LRP1B: variants seen among roughly 807,000 people sequenced by gnomAD.
The protein encoded by LRP1B is low-density lipoprotein receptor-related protein 1B.
In LRP1B, 217 loss-of-function variants were observed where a neutral mutation model predicts 556.6. The observed-to-expected ratio is 0.39, with a 90% CI of 0.35 to 0.44. The LOEUF is 0.44. Among genes scored for constraint, LRP1B ranks in the 20% least tolerant of loss-of-function variants. The pLI is 1.00. For missense variants in LRP1B, 5,053 were observed against 5,620.8 expected (o/e 0.90, Z 3.23); for synonymous variants, 2,047 against 1,865.8 (o/e 1.10, Z -2.50).
At chr2:140,968,198 C>A (rs1471792858) in intron 18 of LRP1B, among the ~76,000 whole-genome samples, 2 of 151,770 alleles carry the variant, frequency 1.3e-5, no homozygotes, top group Admixed American at 1.3e-4. Flanking sequence ...ATTATTGCCT[C>A]AATTTCAGAG....
intron 1 of LRP1B, among the ~76,000 whole-genome samples, chr2:142,093,150 A>G (rs1272970320): frequency 2.0e-5 from 3 of 152,108 alleles, no homozygotes; most frequent in Admixed American, 6.6e-5. Context: ...CCATCTTGTC[A>G]TCATGTCTAC....
At position 141,829,146 on chromosome 2, in the gene LRP1B, C is replaced by T. The variant is rs113141459; in HGVS notation, c.83-18745G>A. 1.9e-3 allele frequency among the ~76,000 whole-genome samples: 284 copies of T among 151,486 alleles called. 4 individuals carry two copies. Among genetic ancestry groups the T allele is most frequent in the Non-Finnish European group, 4.3e-4 (29 of 67,932 alleles). On this transcript the variant is annotated intron_variant, in intron 1 of 90. Transcript: ENST00000389484. ...ATTTATATTAGTACTAGATATCTAGCGAGTTTTTGTCCTCAATTTCTAGTC... is the reference window on the plus strand; with the variant it reads ...ATTTATATTAGTACTAGATATCTAGTGAGTTTTTGTCCTCAATTTCTAGTC...
chr2:141,074,450 T>TA (rs1459228603), intron 7 of LRP1B, among the ~76,000 whole-genome samples: 1 of 151,858 alleles, frequency 6.6e-6, no homozygotes, highest in Non-Finnish European at 1.5e-5. Context: ...TAAAGTTGTT[T>TA]AAAATCTATG....
intron 11 of LRP1B, among the ~76,000 whole-genome samples, chr2:141,034,492 T>C (rs1698470843): frequency 6.6e-6 from 1 of 151,692 alleles, no homozygotes. Context: ...GAATCTACAA[T>C]CAACTCAAAC....
intron 41 of LRP1B, among the ~76,000 whole-genome samples, chr2:140,679,058 T>C (rs1007456745): frequency 2.0e-5 from 3 of 152,168 alleles, no homozygotes; most frequent in African/African-American, 7.2e-5. Context: ...ACTACAGGCA[T>C]GAGCCACCAC....
intron 2 of LRP1B, among the ~76,000 whole-genome samples, chr2:141,629,096 A>AT (rs1422515789): frequency 6.6e-6 from 1 of 151,990 alleles, no homozygotes; most frequent in Admixed American, 6.6e-5. Context: ...TCTAAGGGCT[A>AT]TTTTTTTTCC....
chr2:141,216,779 G>A (rs1225928536), intron 6 of LRP1B, among the ~76,000 whole-genome samples: 1 of 152,114 alleles, frequency 6.6e-6, no homozygotes, highest in Non-Finnish European at 1.5e-5. Flanking sequence ...AAGCTTACAG[G>A]GACACGTAGC....
chr2:141,866,769 G>A (rs2105794758), intron 1 of LRP1B, among the ~76,000 whole-genome samples: 1 of 151,742 alleles, frequency 6.6e-6, no homozygotes, highest in Non-Finnish European at 1.5e-5. Context: ...TGGAAGAGGA[G>A]AAAAGGGGAC....
intron 2 of LRP1B, among the ~76,000 whole-genome samples, chr2:141,697,612 T>G (rs1177345099): frequency 6.6e-6 from 1 of 151,984 alleles, no homozygotes; most frequent in Non-Finnish European, 1.5e-5. Flanking sequence ...ATGGGTAATG[T>G]CATATGGAAC....
At chr2:140,822,587 C>A (rs763927825) in intron 31 of LRP1B, among the ~76,000 whole-genome samples, 2 of 152,172 alleles carry the variant, frequency 1.3e-5, no homozygotes, top group Non-Finnish European at 2.9e-5. Context: ...TTGTGAGGCA[C>A]AATTGGCTAA....
chr2:141,351,595 G>A (rs1443585861), intron 3 of LRP1B, among the ~76,000 whole-genome samples: 3 of 151,936 alleles, frequency 2.0e-5, no homozygotes, highest in African/African-American at 7.3e-5. Context: ...TGTATCAAAT[G>A]TATAATAAGG....
chr2:140,878,981 T>A (rs1693390166), intron 25 of LRP1B, among the ~76,000 whole-genome samples: 1 of 112,016 alleles, frequency 8.9e-6, no homozygotes, highest in South Asian at 3.3e-4. Flanking sequence ...AGAGCAAAAC[T>A]CTGTTTCCAA....
intron 3 of LRP1B, among the ~76,000 whole-genome samples, chr2:141,331,283 T>C (rs1178923585): frequency 6.6e-6 from 1 of 152,162 alleles, no homozygotes; most frequent in Non-Finnish European, 1.5e-5. Flanking sequence ...ATCAGGCTGG[T>C]AAGGAGACAA....
intron 1 of LRP1B, among the ~76,000 whole-genome samples, chr2:141,936,591 A>T (rs1239496023): frequency 6.6e-6 from 1 of 152,116 alleles, no homozygotes; most frequent in Non-Finnish European, 1.5e-5. Context: ...AAGATCCTTG[A>T]TCTGTAATAT....
At chr2:141,315,882 C>CTTTTTTTTTTTTTTTTTT (rs70991157) in intron 3 of LRP1B, among the ~76,000 whole-genome samples, 3 of 18,140 alleles carry the variant, frequency 1.7e-4, no homozygotes, top group African/African-American at 7.1e-4. Context: ...TTAGTCTGGT[C>CTTTTTTTTTTTTTTTTTT]TTTTTTTTTT....
intron 23 of LRP1B, among the ~76,000 whole-genome samples, chr2:140,897,520 T>C (rs1173595314): frequency 6.6e-6 from 1 of 152,080 alleles, no homozygotes; most frequent in African/African-American, 2.4e-5. Context: ...TGTTCCGGGG[T>C]GTGTCTGTGA....
intron 1 of LRP1B, among the ~76,000 whole-genome samples, chr2:141,991,541 A>G (rs1702344205): frequency 6.6e-6 from 1 of 152,082 alleles, no homozygotes. Flanking sequence ...CTGCACATAT[A>G]TAAGTAACTA....
At chr2:142,028,803 C>A (rs894260755) in intron 1 of LRP1B, among the ~76,000 whole-genome samples, 1 of 151,940 alleles carries the variant, frequency 6.6e-6, no homozygotes, top group Non-Finnish European at 1.5e-5. Flanking sequence ...GTTATAATTT[C>A]TTCATGCTCT....
At chr2:140,491,145 G>A (rs1312547185) in intron 57 of LRP1B, among the ~76,000 whole-genome samples, 1 of 152,072 alleles carries the variant, frequency 6.6e-6, no homozygotes, top group Admixed American at 6.6e-5. Flanking sequence ...AAGGAATGCT[G>A]GTAGACATGT....
Sources: gnomAD v4.1 joint callset for allele counts (sites outside exome capture counted in the v4.1 genomes callset) on GRCh38, gnomAD v4.1.1 for gene constraint, MANE v1.5 for transcripts, NCBI Gene and HGNC (gene_info 2026-07-23, HGNC 2026-07-21) for gene names.